DPP6: variants seen among roughly 807,000 people sequenced by gnomAD.
The protein encoded by DPP6 is A-type potassium channel modulatory protein DPP6.
DPP6 carries 69 observed loss-of-function variants against 122.6 expected under a neutral mutation model. That is an observed-to-expected ratio of 0.56 (90% CI 0.46 to 0.69). The LOEUF (loss-of-function observed/expected upper bound fraction) is 0.69, where lower values mean the gene tolerates loss of function less well. Among genes scored for constraint, DPP6 ranks in the 30% least tolerant of loss-of-function variants. The pLI, the probability that DPP6 is intolerant of heterozygous loss-of-function variation, is 0.00. For missense variants in DPP6, 928 were observed against 1,116.9 expected (o/e 0.83, Z 2.41); for synonymous variants, 418 against 433.1 (o/e 0.97, Z 0.43).
intron 1 of DPP6, among the ~76,000 whole-genome samples, chr7:154,091,114 CCTT>C (rs376210181): frequency 0.036 from 5,138 of 143,410 alleles, 114 homozygotes; most frequent in Middle Eastern, 0.079. Context: ...GAGCAAGACT[CCTT>C]CTCAAAAAAA....
At position 154,822,104 on chromosome 7, in the gene DPP6, A is replaced by AT. The variant is rs1367852695; in HGVS notation, c.1666+14998dup. Among the ~76,000 whole-genome samples, 5 of 151,934 alleles carry AT rather than the reference A, an allele frequency of 3.3e-5. No homozygotes were observed. The East Asian group carries it at 7.7e-4, about 24-fold the overall frequency. ...CCTCCTTCCCTGGGGCTCTGAGGGC[A>AT]TTTTTTGCCTTTACGCCGTTGCATC... On this transcript the variant is annotated intron_variant, in intron 16 of 25. Coordinates refer to ENST00000377770, the MANE Select transcript of DPP6 (RefSeq NM_130797.4).
chr7:154,003,859 A>G (rs1043236899), intron 1 of DPP6, among the ~76,000 whole-genome samples: 14 of 152,236 alleles, frequency 9.2e-5, no homozygotes, highest in Non-Finnish European at 1.5e-5. Context: ...AGCTCAGAAC[A>G]GGCCCTGGAA....
intron 1 of DPP6, among the ~76,000 whole-genome samples, chr7:154,283,624 G>A (rs1804667960): frequency 6.6e-6 from 1 of 152,134 alleles, no homozygotes; most frequent in South Asian, 2.1e-4. Flanking sequence ...TTAGCACAAG[G>A]CACTGTAGGA....
chr7:154,483,382 A>G lies in DPP6; in HGVS notation c.457+8345A>G, dbSNP rs1823494593. Reference sequence around the variant, plus strand: ...TTCTGTTAAAGGTAAACTGAGGCACAATACAATTTTTTTTTTTTTAAAAGC... The same window carrying G: ...TTCTGTTAAAGGTAAACTGAGGCACGATACAATTTTTTTTTTTTTAAAAGC... On this transcript the variant is annotated intron_variant, in intron 3 of 25. Coordinates refer to ENST00000377770, the MANE Select transcript of DPP6 (RefSeq NM_130797.4). The surrounding 1 kb of genome is among the most constrained non-coding windows in gnomAD (Gnocchi z 8.1). Among the ~76,000 whole-genome samples the G allele has an allele frequency of 1.7e-5, 2 of 114,856 alleles. No individual in the cohort carries two copies. Among genetic ancestry groups the G allele is most frequent in the Non-Finnish European group, 3.7e-5 (2 of 54,472 alleles). 75.3% of individuals were successfully genotyped at this position (114,856 alleles called of 152,430 possible).
At chr7:154,560,882 T>TAA (rs199932364) in intron 4 of DPP6, among the ~76,000 whole-genome samples, 5 of 127,804 alleles carry the variant, frequency 3.9e-5, no homozygotes, top group Admixed American at 7.9e-5. Flanking sequence ...GACTCCGTCT[T>TAA]AAAAAAAAAA....
chr7:154,123,275 G>T (rs1476950878), intron 1 of DPP6, among the ~76,000 whole-genome samples: 1 of 152,126 alleles, frequency 6.6e-6, no homozygotes, highest in Non-Finnish European at 1.5e-5. Flanking sequence ...AATGACTTCT[G>T]CTTTCAAAAT....
chr7:154,168,504 A>G (rs896154315), intron 1 of DPP6, among the ~76,000 whole-genome samples: 2 of 152,222 alleles, frequency 1.3e-5, no homozygotes, highest in African/African-American at 4.8e-5. Context: ...GGGCAGTCAC[A>G]TTGTGATCTT....
intron 16 of DPP6, among the ~76,000 whole-genome samples, chr7:154,812,764 G>A (rs1799153558): frequency 1.3e-5 from 2 of 152,086 alleles, no homozygotes; most frequent in Non-Finnish European, 2.9e-5. Flanking sequence ...TCAGTTGTTT[G>A]CAAACAGTAT....
the DPP6 span, among the ~76,000 whole-genome samples, chr7:153,830,971 AT>A: frequency 6.6e-6 from 1 of 152,200 alleles, no homozygotes; most frequent in African/African-American, 2.4e-5. Context: ...TAAACTTAAC[AT>A]TCTTCCTACA....
intron 1 of DPP6, among the ~76,000 whole-genome samples, chr7:154,338,084 A>AT (rs201720776): frequency 1.3e-3 from 193 of 149,280 alleles, no homozygotes; most frequent in African/African-American, 3.7e-3. Context: ...CTGGATTCAC[A>AT]TTTTTTTTTT....
At chr7:154,279,502 T>C (rs1016516778) in intron 1 of DPP6, among the ~76,000 whole-genome samples, 4 of 152,200 alleles carry the variant, frequency 2.6e-5, no homozygotes, top group Non-Finnish European at 4.4e-5. Flanking sequence ...TGCTGGAACA[T>C]AGGCATCTCA....
chr7:154,190,890 T>C (rs1282755723), intron 1 of DPP6, among the ~76,000 whole-genome samples: 1 of 152,232 alleles, frequency 6.6e-6, no homozygotes, highest in Admixed American at 6.5e-5. Context: ...CATGTGCTCT[T>C]GTAGGAACCT....
intron 3 of DPP6, among the ~76,000 whole-genome samples, chr7:154,497,304 C>G (rs537911807): frequency 6.6e-6 from 1 of 152,072 alleles, no homozygotes; most frequent in South Asian, 2.1e-4. Flanking sequence ...GTTGGTCAAT[C>G]CTCAGAAAAA....
At chr7:154,401,223 A>C (rs561562350) in intron 1 of DPP6, among the ~76,000 whole-genome samples, 72 of 152,054 alleles carry the variant, frequency 4.7e-4, no homozygotes, top group Middle Eastern at 3.4e-3. Context: ...AAAACAAAAA[A>C]AAAACAGGTA....
the DPP6 span, among the ~76,000 whole-genome samples, chr7:153,854,308 A>C: frequency 6.6e-6 from 1 of 152,104 alleles, no homozygotes; most frequent in Admixed American, 6.6e-5. Context: ...CTTTTGGCTT[A>C]GGATTGACTT....
chr7:154,004,266 C>T (rs1797812228), intron 1 of DPP6, among the ~76,000 whole-genome samples: 1 of 152,174 alleles, frequency 6.6e-6, no homozygotes, highest in Non-Finnish European at 1.5e-5. Flanking sequence ...ACATTTACTG[C>T]ACAGCTACTG....
In DPP6 at chr7:154,225,388, A is replaced by G. The variant is rs1050334509; in HGVS notation, c.243+172325A>G. Among the ~76,000 whole-genome samples, 5 of 152,254 alleles carry G rather than the reference A, an allele frequency of 3.3e-5. No homozygotes were observed. The East Asian group carries it at 5.8e-4, about 18-fold the overall frequency. On this transcript the variant is annotated intron_variant, in intron 1 of 25. Transcript: ENST00000377770. ...GAATATATATCTATAGAACAGGTAC[A>G]TGATTTTGAGCAAATCATGTTACCT... is the stretch of plus-strand genomic sequence containing the variant.
chr7:154,435,995 A>T (rs1474179797), intron 1 of DPP6, among the ~76,000 whole-genome samples: 2 of 152,044 alleles, frequency 1.3e-5, no homozygotes, highest in African/African-American at 2.4e-5. Flanking sequence ...CTGATATTTG[A>T]CATATTTTAA....
chr7:153,994,234 A>G (rs1797327862), intron 1 of DPP6, among the ~76,000 whole-genome samples: 1 of 151,666 alleles, frequency 6.6e-6, no homozygotes, highest in Admixed American at 6.5e-5. Context: ...ATAAAAAAGT[A>G]GAATTCACAA....
Sources: gnomAD v4.1 joint callset for allele counts (sites outside exome capture counted in the v4.1 genomes callset) on GRCh38, gnomAD v4.1.1 for gene constraint, Gnocchi (gnomAD v3.1) non-coding constraint, MANE v1.5 for transcripts, NCBI Gene and HGNC (gene_info 2026-07-23, HGNC 2026-07-21) for gene names.